Variants in ZDHHC2 observed in about 807,000 individuals in gnomAD.
ZDHHC2 encodes the protein zDHHC palmitoyltransferase 2, also known as palmitoyltransferase ZDHHC2.
In ZDHHC2, 51 loss-of-function variants were observed where a neutral mutation model predicts 55.6. The observed-to-expected ratio is 0.92, with a 90% CI of 0.73 to 1.16. ZDHHC2 has a LOEUF of 1.16. Among genes scored for constraint, ZDHHC2 ranks in the 50% most tolerant of loss-of-function variants. ZDHHC2 has a pLI of 0.00. For missense variants in ZDHHC2, 491 were observed against 442.4 expected (o/e 1.11, Z -0.99); for synonymous variants, 199 against 152.9 (o/e 1.30, Z -2.22).
rs1808059658 is a variant in ZDHHC2, at chr8:17,224,740, T to C, written c.*4519T>C. The C allele has an allele frequency of 6.6e-6, 1 of 151,826 alleles. No homozygotes were observed. The highest frequency in any genetic ancestry group is 1.5e-5 in the Non-Finnish European group (1 of 67,756). The allele number at this position is 151,826 out of a possible 1,614,324, so 9.4% of individuals were successfully genotyped here. A position where few individuals can be genotyped will look rare whatever the true frequency, so the allele number is the denominator to read the frequency against. ...TGTCAGTTTAGATTTTGTGTCTTTT[T>C]CTGTCAGTATGTATGGCTCCCTAAT... On this transcript the variant is annotated 3_prime_UTR_variant, in exon 13 of 13. Transcript: ENST00000262096.
In ZDHHC2 at chr8:17,222,184, T is replaced by C. The variant is rs1807952552; in HGVS notation, c.*1963T>C. The stretch of plus-strand genomic sequence containing the variant: ...TATGTCAATACACATTAGAATCAGA[T>C]TTGAAAAAGTTAAAACAATTTCATT... On this transcript the variant is annotated 3_prime_UTR_variant, in exon 13 of 13. Coordinates refer to ENST00000262096, the MANE Select transcript of ZDHHC2 (RefSeq NM_016353.5). The C allele has an allele frequency of 6.6e-6, 1 of 151,734 alleles. No homozygotes were observed. The highest frequency in any genetic ancestry group is 1.5e-5 in the Non-Finnish European group (1 of 67,754). 9.4% of individuals were successfully genotyped at this position (151,734 alleles called of 1,614,324 possible).
At chr8:17,203,150 C>G (rs117980509) in intron 6 of ZDHHC2, among the ~76,000 whole-genome samples, 5,429 of 150,480 alleles carry the variant, frequency 0.036, 151 homozygotes, top group Non-Finnish European at 0.052. Flanking sequence ...GCCTCTGCCT[C>G]CCGGGTTCAA....
At position 17,186,318 on chromosome 8, in the gene ZDHHC2, T is replaced by C. The variant is rs779181808; in HGVS notation, c.158-13T>C. On this transcript the variant is annotated splice_polypyrimidine_tract_variant and intron_variant, in intron 2 of 12. Coordinates refer to ENST00000262096, the MANE Select transcript of ZDHHC2 (RefSeq NM_016353.5). ...TGCATATTATAATGATAATTATGTT[T>C]TTCTCATTTTAGTTGTGTGCCTGAT... is the stretch of plus-strand genomic sequence containing the variant. The C allele has an allele frequency of 1.3e-5, 20 of 1,545,880 alleles. No individual in the cohort carries two copies. The African/African-American group carries it at 2.6e-4, about 20-fold the overall frequency.
At chr8:17,209,283 T>G (rs1807257404) in intron 8 of ZDHHC2, among the ~76,000 whole-genome samples, 1 of 152,046 alleles carries the variant, frequency 6.6e-6, no homozygotes, top group African/African-American at 2.4e-5. Flanking sequence ...AAAAGTAGAT[T>G]TTATAGTCAG....
At chr8:17,195,708 A>T in intron 4 of ZDHHC2, 84 bp downstream of exon 4, 3 of 1,539,636 alleles carry the variant, frequency 1.9e-6, no homozygotes, top group Non-Finnish European at 2.7e-6. Flanking sequence ...TATGTACTTG[A>T]AATGGTAAAA....
At chr8:17,157,279 G>A (rs1585627212) in intron 1 of ZDHHC2, among the ~76,000 whole-genome samples, 1 of 152,226 alleles carries the variant, frequency 6.6e-6, no homozygotes, top group South Asian at 2.1e-4. Flanking sequence ...GGCCTTGGCG[G>A]CGGAGCTGGA....
chr8:17,219,583 C>G (rs1807817050), intron 12 of ZDHHC2, among the ~76,000 whole-genome samples: 1 of 151,954 alleles, frequency 6.6e-6, no homozygotes, highest in Non-Finnish European at 1.5e-5. Flanking sequence ...ATGGTGAAAC[C>G]CCGTCTCTAC....
rs753552012 is a variant in ZDHHC2 at position 17,221,832 on chromosome 8, A to G, written c.*1611A>G. ...GCTTCAAGAAATCTCAGAAAATATGATAACATTTTAACTTTCATTTTAGAG... is the reference window on the plus strand; with the variant it reads ...GCTTCAAGAAATCTCAGAAAATATGGTAACATTTTAACTTTCATTTTAGAG... On this transcript the variant is annotated 3_prime_UTR_variant, in exon 13 of 13. Transcript: ENST00000262096. The G allele has an allele frequency of 1.3e-5, 2 of 152,462 alleles. No individual in the cohort carries two copies. The highest frequency in any genetic ancestry group is 6.6e-5 in the Admixed American group (1 of 15,256). 9.4% of individuals were successfully genotyped at this position (152,462 alleles called of 1,614,324 possible).
chr8:17,174,886 T>A (rs74555634), intron 1 of ZDHHC2, among the ~76,000 whole-genome samples: 2 of 150,970 alleles, frequency 1.3e-5, no homozygotes, highest in Non-Finnish European at 3.0e-5. Flanking sequence ...AATTGTGGGG[T>A]TTTTTTTGTT....
At chr8:17,210,650 G>A (rs1330458608) in intron 10 of ZDHHC2, among the ~76,000 whole-genome samples, 170 bp downstream of exon 10, 1 of 152,146 alleles carries the variant, frequency 6.6e-6, no homozygotes, top group African/African-American at 2.4e-5. Context: ...TACATTGGAA[G>A]CTTCAATTAT....
chr8:17,193,930 C>G (rs1246929752), intron 3 of ZDHHC2, among the ~76,000 whole-genome samples: 2 of 152,184 alleles, frequency 1.3e-5, no homozygotes, highest in African/African-American at 2.4e-5. Context: ...GATCCCCACC[C>G]CACGACAGGC....
chr8:17,195,336 T>C (rs1046538957), intron 3 of ZDHHC2, among the ~76,000 whole-genome samples, 168 bp from the exon 4 acceptor site: 13 of 152,208 alleles, frequency 8.5e-5, no homozygotes, highest in Non-Finnish European at 1.6e-4. Flanking sequence ...CATAAATGAA[T>C]GACCTGTGAG....
At chr8:17,163,919 C>A (rs1804478495) in intron 1 of ZDHHC2, among the ~76,000 whole-genome samples, 1 of 152,004 alleles carries the variant, frequency 6.6e-6, no homozygotes, top group African/African-American at 2.4e-5. Flanking sequence ...TTTAATAGTC[C>A]ATTAGAAAAT....
intron 1 of ZDHHC2, among the ~76,000 whole-genome samples, chr8:17,159,101 T>G (rs1315769128): frequency 6.6e-6 from 1 of 152,206 alleles, no homozygotes; most frequent in Non-Finnish European, 1.5e-5. Flanking sequence ...AGTTGAAATT[T>G]CCTTATAGGC....
Position 17,217,098 on chromosome 8 carries a change from C to G in ZDHHC2, c.1064-74C>G. On this transcript the variant is annotated intron_variant, in intron 11 of 12. Transcript: ENST00000262096. ...GAAGTCTACCAAGGGATTCCTTATT[C>G]ATAGATGAATAAGAAGTTTCTGCCT... is the stretch of plus-strand genomic sequence containing the variant. 3 of 1,461,910 alleles carry G rather than the reference C, an allele frequency of 2.1e-6. No homozygotes were observed. The South Asian group carries it at 3.6e-5, about 17-fold the overall frequency. 90.6% of individuals were successfully genotyped at this position (1,461,910 alleles called of 1,614,324 possible).
chr8:17,208,221 G>A (rs920862232), intron 8 of ZDHHC2, 129 bp downstream of exon 8: 7 of 929,792 alleles, frequency 7.5e-6, no homozygotes, highest in Non-Finnish European at 1.0e-5. Context: ...TTTCCTCATT[G>A]TTTTTTTGAT....
chr8:17,170,774 C>G (rs567427209), intron 1 of ZDHHC2, among the ~76,000 whole-genome samples: 2 of 152,256 alleles, frequency 1.3e-5, no homozygotes, highest in South Asian at 4.1e-4. Flanking sequence ...AAATACTCTA[C>G]AAAAATTGTT....
intron 1 of ZDHHC2, among the ~76,000 whole-genome samples, chr8:17,184,010 A>G (rs1214934348): frequency 6.6e-6 from 1 of 152,190 alleles, no homozygotes; most frequent in East Asian, 1.9e-4. Flanking sequence ...AAAGCTGAAT[A>G]AGGACAAAAA....
At chr8:17,194,731 C>T (rs759842488) in intron 3 of ZDHHC2, among the ~76,000 whole-genome samples, 32 of 152,120 alleles carry the variant, frequency 2.1e-4, no homozygotes, top group African/African-American at 6.3e-4. Flanking sequence ...TGTTAAATGC[C>T]GGTACTATTC....
Sources: allele counts gnomAD v4.1 joint callset (sites outside exome capture counted in the v4.1 genomes callset), GRCh38; gene constraint gnomAD v4.1.1; transcripts MANE v1.5; gene names NCBI Gene and HGNC (gene_info 2026-07-23, HGNC 2026-07-21).